The following KANSL1 variants were observed in gnomAD, a reference collection of about 807,000 sequenced individuals.
The protein encoded by KANSL1 is MLL1/MLL complex subunit KANSL1.
A neutral mutation model predicts 103.6 loss-of-function variants in KANSL1; 22 were observed. The observed-to-expected ratio is 0.21, with a 90% CI of 0.15 to 0.30. The LOEUF (loss-of-function observed/expected upper bound fraction) is 0.30, where lower values mean the gene tolerates loss of function less well. Among genes scored for constraint, KANSL1 ranks in the 10% least tolerant of loss-of-function variants. The pLI is 1.00. For synonymous variants in KANSL1, 600 were observed against 527.6 expected, an observed-to-expected ratio of 1.14 and a Z score of -1.88; for missense variants, 1,337 against 1,399.8, an observed-to-expected ratio of 0.96 and a Z score of 0.72.
intron 1 of KANSL1, among the ~76,000 whole-genome samples, chr17:46,186,391 A>AG (rs1249625309): frequency 6.7e-6 from 1 of 150,118 alleles, no homozygotes; most frequent in Non-Finnish European, 1.5e-5. Flanking sequence ...CTCAAAAAAA[A>AG]AAAAAAAGAA....
chr17:46,050,644 C>G lies in KANSL1; in HGVS notation c.1909G>C (p.Gly637Arg). The part of the protein sequence containing the change: ...CDVNPSCALC[G>R]SGSINTMPPE... ...GGCATGGTGTTGATGCTGCCTGAAC[C>G]ACACAGTGCGCAGGAGGGATTCACA... Residue 637 changes from glycine to arginine, a missense_variant, in exon 7 of 15, where the codon GGT (glycine) becomes CGT (arginine). Gly to Arg is a moderately radical substitution (Grantham distance 125). Transcript: ENST00000432791. The G allele has an allele frequency of 3.1e-6, 5 of 1,614,178 alleles. No homozygotes were observed. Among genetic ancestry groups the G allele is most frequent in the Non-Finnish European group, 4.2e-6 (5 of 1,180,020 alleles).
chr17:46,071,449 T>A (rs16940869), intron 4 of KANSL1, among the ~76,000 whole-genome samples: 6,470 of 152,238 alleles, frequency 0.042, 456 homozygotes, highest in African/African-American at 0.15. Context: ...CCAATCACAG[T>A]GTTCCATTTG....
At chr17:46,102,149 C>T (rs948867602) in intron 2 of KANSL1, among the ~76,000 whole-genome samples, 11 of 152,228 alleles carry the variant, frequency 7.2e-5, no homozygotes, top group African/African-American at 2.4e-4. Context: ...GGAAAAAACT[C>T]GGATACATAC....
intron 2 of KANSL1, among the ~76,000 whole-genome samples, chr17:46,118,468 T>TAC (rs1468884820): frequency 6.6e-6 from 1 of 152,244 alleles, no homozygotes; most frequent in Non-Finnish European, 1.5e-5. Context: ...TTGGAAGCCC[T>TAC]ACACTAGAGA....
At chr17:46,039,596 C>G (rs1174378662) in intron 8 of KANSL1, 106 bp downstream of exon 8, 1 of 1,277,008 alleles carries the variant, frequency 7.8e-7, no homozygotes. Context: ...TATCGGTCAA[C>G]TGCCTCTCCC....
At position 46,039,209 on chromosome 17, in the gene KANSL1, G is replaced by A. The variant is rs2077240690; in HGVS notation, c.2210C>T (p.Ser737Phe). The A allele has an allele frequency of 1.3e-6, 2 of 1,579,962 alleles. No homozygotes were observed. Among genetic ancestry groups the A allele is most frequent in the East Asian group, 4.5e-5 (2 of 44,308 alleles). The change falls in exon 9 of 15, where the codon TCC becomes TTC. Residue 737 changes from serine (S) to phenylalanine (F), a missense_variant. By Grantham distance (155) the Ser-to-Phe change is radical. Coordinates refer to ENST00000432791, the MANE Select transcript of KANSL1 (RefSeq NM_015443.4). ...CCTGTCAGGCCGGGTTTGGTGATGGGACAGCTCTGAAGAGGGGAACAGAAA... is the reference window on the plus strand; with the variant it reads ...CCTGTCAGGCCGGGTTTGGTGATGGAACAGCTCTGAAGAGGGGAACAGAAA... ...VSSFLTTAKL[S>F]HHQTRPDRTH... is the part of the protein sequence containing the mutation.
intron 1 of KANSL1, among the ~76,000 whole-genome samples, chr17:46,187,687 G>C (rs1303794472): frequency 6.6e-6 from 1 of 152,242 alleles, no homozygotes; most frequent in African/African-American, 2.4e-5. Context: ...AGCAAGGCTT[G>C]CAGAAAGTAA....
chr17:46,145,812 T>A (rs915649383), intron 2 of KANSL1, among the ~76,000 whole-genome samples: 1 of 152,186 alleles, frequency 6.6e-6, no homozygotes, highest in Non-Finnish European at 1.5e-5. Flanking sequence ...CACTCCAACC[T>A]CCACCTCCTG....
intron 2 of KANSL1, among the ~76,000 whole-genome samples, chr17:46,116,051 C>T (rs1005114854): frequency 9.9e-5 from 15 of 152,194 alleles, no homozygotes; most frequent in African/African-American, 3.6e-4. Context: ...CGAGAAGAAT[C>T]CCCGGAACCA....
At chr17:46,066,902 GT>G (rs1283306322) in intron 5 of KANSL1, among the ~76,000 whole-genome samples, 170 bp from the exon 6 acceptor site, 1 of 152,204 alleles carries the variant, frequency 6.6e-6, no homozygotes, top group Non-Finnish European at 1.5e-5. Flanking sequence ...CTTGATGTCT[GT>G]TAATCTACCT....
At chr17:46,151,163 G>A (rs1918792) in intron 2 of KANSL1, among the ~76,000 whole-genome samples, 21,953 of 152,134 alleles carry the variant, frequency 0.14, 2,137 homozygotes, top group Non-Finnish European at 0.22. Context: ...AGTTATAACT[G>A]AGTTTCTACC....
At chr17:46,187,592 C>T (rs936669410) in intron 1 of KANSL1, among the ~76,000 whole-genome samples, 5 of 152,186 alleles carry the variant, frequency 3.3e-5, no homozygotes, top group Non-Finnish European at 5.9e-5. Flanking sequence ...TCACAGTCAG[C>T]AACAATAAAA....
intron 11 of KANSL1, 36 bp downstream of exon 11, chr17:46,034,125 G>A: frequency 6.2e-7 from 1 of 1,610,374 alleles, no homozygotes; most frequent in African/African-American, 1.3e-5. Flanking sequence ...ATAGCAGGAA[G>A]AATGGGGAGA....
intron 4 of KANSL1, among the ~76,000 whole-genome samples, chr17:46,072,001 T>C (rs1357792351): frequency 3.2e-5 from 4 of 125,348 alleles, no homozygotes; most frequent in Admixed American, 1.7e-4. Context: ...CCCGCCCCGA[T>C]TGAAAGGGCC....
intron 4 of KANSL1, among the ~76,000 whole-genome samples, chr17:46,075,977 G>C (rs2146754568): frequency 6.6e-6 from 1 of 152,262 alleles, no homozygotes; most frequent in Middle Eastern, 3.4e-3. Context: ...CTTGTTGGAA[G>C]AACAAGAAGC....
intron 1 of KANSL1, among the ~76,000 whole-genome samples, chr17:46,188,711 CGAAA>C (rs1457304523): frequency 1.3e-5 from 2 of 152,100 alleles, no homozygotes; most frequent in African/African-American, 4.8e-5. Context: ...AAGAGTACAA[CGAAA>C]GCTGCTTTAA....
intron 2 of KANSL1, among the ~76,000 whole-genome samples, chr17:46,096,687 C>T (rs9913887): frequency 0.029 from 4,435 of 151,668 alleles, 182 homozygotes; most frequent in African/African-American, 0.09. Flanking sequence ...GGCATGATCT[C>T]GGCTCACTGC....
intron 3 of KANSL1, among the ~76,000 whole-genome samples, chr17:46,085,684 G>A (rs992198603): frequency 1.3e-5 from 2 of 151,968 alleles, no homozygotes; most frequent in East Asian, 3.8e-4. Flanking sequence ...TAGAGATGGG[G>A]TTTCACCAAG....
intron 3 of KANSL1, among the ~76,000 whole-genome samples, chr17:46,092,177 A>G (rs1034104401): frequency 1.3e-5 from 2 of 152,200 alleles, no homozygotes; most frequent in African/African-American, 2.4e-5. Context: ...TCACGCACCA[A>G]TGAAATCACC....
Sources: gnomAD v4.1 joint callset for allele counts (sites outside exome capture counted in the v4.1 genomes callset) on GRCh38, gnomAD v4.1.1 for gene constraint, MANE v1.5 for transcripts, NCBI Gene and HGNC (gene_info 2026-07-23, HGNC 2026-07-21) for gene names.